Variants in DNAH2 observed in about 807,000 individuals in gnomAD.
The protein encoded by DNAH2 is axonemal beta dynein heavy chain 2.
A neutral mutation model predicts 523.5 loss-of-function variants in DNAH2; 323 were observed. The observed-to-expected ratio is 0.62, with a 90% CI of 0.56 to 0.68. The LOEUF (loss-of-function observed/expected upper bound fraction) is 0.68. Ranked by LOEUF, DNAH2 falls within the 30% of genes least tolerant of loss-of-function variation. The pLI, the probability that DNAH2 is intolerant of heterozygous loss-of-function variation, is 0.00. For synonymous variants in DNAH2, 2,093 were observed against 2,177.4 expected (o/e 0.96, Z 1.08); for missense variants, 4,907 against 5,701.5 (o/e 0.86, Z 4.49).
chr17:7,759,862 CA>C lies in DNAH2; in HGVS notation c.2710del (p.Ile904SerfsTer42). On this transcript the variant is annotated frameshift_variant, in exon 17 of 86. Coordinates refer to ENST00000572933, the MANE Select transcript of DNAH2 (RefSeq NM_020877.5). LOFTEE classifies it high-confidence loss of function. ...ACATTGGCAACCACCTCTTTTCCAC[CA>C]TCTCTGTCTTCTGCCACCTCCCTGA... ...NDIGNHLFST[I>X]SVFCHLPDIL... is the part of the protein sequence containing the mutation. 1.9e-6 allele frequency: 3 copies of C among 1,614,204 alleles called. No homozygotes were observed. The highest frequency in any genetic ancestry group is 2.5e-6 in the Non-Finnish European group (3 of 1,180,030).
At chr17:7,751,198 C>G (rs1183533991) in intron 12 of DNAH2, among the ~76,000 whole-genome samples, 1 of 151,556 alleles carries the variant, frequency 6.6e-6, no homozygotes, top group Non-Finnish European at 1.5e-5. Context: ...GTCTGGAGTA[C>G]AGTGGCACCA....
chr17:7,780,654 C>G lies in DNAH2; in HGVS notation c.5875C>G (p.Leu1959Val). Reference protein sequence around the residue: ...CKILAKKVYTLYSLAVQQLSR... With the variant: ...CKILAKKVYTVYSLAVQQLSR... The stretch of plus-strand genomic sequence containing the variant: ...GATTCTGGCCAAGAAGGTGTACACA[C>G]TCTACTCACTGGCTGTGCAGCAGCT... Residue 1959 changes from leucine to valine, a missense_variant, in exon 38 of 86, where the codon CTC becomes GTC. Coordinates refer to ENST00000572933, the MANE Select transcript of DNAH2 (RefSeq NM_020877.5). The surrounding 1 kb of genome is among the most constrained non-coding windows in gnomAD (Gnocchi z 4.4). The G allele has an allele frequency of 1.2e-6, 2 of 1,614,184 alleles. No homozygotes were observed. The highest frequency in any genetic ancestry group is 1.7e-6 in the Non-Finnish European group (2 of 1,180,030).
At position 7,816,617 on chromosome 17, in the gene DNAH2, T is replaced by A; in HGVS notation, c.9776T>A (p.Leu3259Gln). Residue 3259 changes from leucine (L) to glutamine (Q), a missense_variant, in exon 64 of 86, where the codon CTG becomes CAG. Leu to Gln is a moderately radical substitution (Grantham distance 113, BLOSUM62 -2). Coordinates refer to ENST00000572933, the MANE Select transcript of DNAH2 (RefSeq NM_020877.5). Reference protein sequence around the residue: ...EMLKKQYDEKLAQKEELRKKS... With the variant: ...EMLKKQYDEKQAQKEELRKKS... Reference sequence around the variant, plus strand: ...CTAAAGAAACAGTATGATGAGAAGCTGGCACAGAAGGAGGAGCTTCGCAAG... The same window carrying A: ...CTAAAGAAACAGTATGATGAGAAGCAGGCACAGAAGGAGGAGCTTCGCAAG... The A allele has an allele frequency of 1.2e-6, 2 of 1,614,188 alleles. No individual in the cohort carries two copies. The highest frequency in any genetic ancestry group is 1.7e-6 in the Non-Finnish European group (2 of 1,180,036).
chr17:7,793,447 TTTTCTTTCTTTCTTTCTTTCTTTC>T (rs557051250), intron 48 of DNAH2, among the ~76,000 whole-genome samples: 3 of 96,502 alleles, frequency 3.1e-5, no homozygotes, highest in South Asian at 3.3e-4. Flanking sequence ...CTTTCTTTCT[TTTTCTTTCTTTCTTTCTTTCTTTC>T]TTTCTTTCTT....
chr17:7,802,563 T>C (rs1355238865), intron 58 of DNAH2, among the ~76,000 whole-genome samples: 2 of 152,226 alleles, frequency 1.3e-5, no homozygotes, highest in Non-Finnish European at 2.9e-5. Flanking sequence ...TAATACCTAA[T>C]ACAATGTAAA....
At chr17:7,824,496 C>G (rs539053046) in intron 76 of DNAH2, 41 bp from the exon 77 acceptor site, 5 of 1,489,030 alleles carry the variant, frequency 3.4e-6, no homozygotes, top group African/African-American at 2.8e-5. Flanking sequence ...ACAGGCAGGG[C>G]TTAGGAAATG....
chr17:7,719,628 T>G, intron 1 of DNAH2, 93 bp from the exon 2 acceptor site: 1 of 1,483,338 alleles, frequency 6.7e-7, no homozygotes, highest in South Asian at 1.2e-5. Flanking sequence ...TGAGTTTCAG[T>G]CAATTTATGA....
At position 7,786,310 on chromosome 17, in the gene DNAH2, C is replaced by A. The variant is rs200178920; in HGVS notation, c.6316C>A (p.Arg2106Ser). The change falls in exon 40 of 86, where the codon CGC (arginine) becomes AGC (serine). Residue 2106 changes from arginine to serine, a missense_variant. Physicochemically the swap from Arg to Ser is moderately radical, Grantham distance 110. Coordinates refer to ENST00000572933, the MANE Select transcript of DNAH2 (RefSeq NM_020877.5). This position sits in a 1 kb window ranked among gnomAD's most constrained non-coding sequence, Gnocchi z 7.5. ...ACAGGCCTCCCTGTCCTCTCTGTGC[C>A]GCGCCGGAGACCCTAACTTCAACAT... ...ILQASLSSLC[R>S]AGDPNFNIVR... 2 of 1,613,530 alleles carry A rather than the reference C, an allele frequency of 1.2e-6. No homozygotes were observed. Among genetic ancestry groups the A allele is most frequent in the African/African-American group, 2.7e-5 (2 of 74,998 alleles).
intron 13 of DNAH2, among the ~76,000 whole-genome samples, chr17:7,757,946 A>G (rs190974581): frequency 2.0e-5 from 3 of 152,324 alleles, no homozygotes; most frequent in East Asian, 3.9e-4. Context: ...ATCACCTCCC[A>G]GAGGTCCTAA....
At chr17:7,762,337 T>C (rs1266179740) in intron 18 of DNAH2, among the ~76,000 whole-genome samples, 12 of 147,280 alleles carry the variant, frequency 8.1e-5, no homozygotes, top group Admixed American at 1.3e-4. Flanking sequence ...ATTTCTTTTT[T>C]TTTTTTTTTT....
At chr17:7,756,959 C>T in intron 12 of DNAH2, 132 bp from the exon 13 acceptor site, 1 of 1,352,058 alleles carries the variant, frequency 7.4e-7, no homozygotes, top group Non-Finnish European at 1.0e-6. Flanking sequence ...GCGTGAGCCA[C>T]CATACCAGGC....
chr17:7,804,483 C>A lies in DNAH2; in HGVS notation c.9183+17C>A. On this transcript the variant is annotated intron_variant, in intron 59 of 85. Coordinates refer to ENST00000572933, the MANE Select transcript of DNAH2 (RefSeq NM_020877.5). ...CAGCAGAAGGTCCAGGGCCCACGCC[C>A]ACCCCCCGTGCCCCACTCCCACCAG... 6.2e-7 allele frequency: 1 copy of A among 1,610,684 alleles called. No individual in the cohort carries two copies. Among genetic ancestry groups the A allele is most frequent in the Non-Finnish European group, 8.5e-7 (1 of 1,179,178 alleles).
intron 53 of DNAH2, 116 bp downstream of exon 53, chr17:7,797,945 C>G: frequency 8.2e-6 from 12 of 1,459,744 alleles, no homozygotes; most frequent in Non-Finnish European, 1.0e-5. Flanking sequence ...TGCCTTTCTC[C>G]CTGGCCCCAG....
At position 7,792,053 on chromosome 17, in the gene DNAH2, G is replaced by T; in HGVS notation, c.7037G>T (p.Gly2346Val). The change falls in exon 45 of 86, where the codon GGC becomes GTC. Residue 2346 changes from glycine (G) to valine (V), a missense_variant. Coordinates refer to ENST00000572933, the MANE Select transcript of DNAH2 (RefSeq NM_020877.5). ...RIDSYLREIE[G>V]SFPNKDTVYE... is the part of the protein sequence containing the mutation. ...GACAGCTACCTCCGAGAGATCGAGG[G>T]CTCCTTTCCCAATAAGGTTGGGCGC... 6.2e-7 allele frequency: 1 copy of T among 1,613,550 alleles called. No individual in the cohort carries two copies. Among genetic ancestry groups the T allele is most frequent in the African/African-American group, 1.3e-5 (1 of 74,868 alleles).
Position 7,821,136 on chromosome 17 carries a change from T to G in DNAH2, c.11016-107T>G, listed in dbSNP as rs535948847. 5.4e-4 allele frequency: 785 copies of G among 1,453,598 alleles called. 2 individuals are homozygous for G. Among genetic ancestry groups the G allele is most frequent in the East Asian group, 1.6e-3 (64 of 41,204 alleles). 90.0% of individuals were successfully genotyped at this position (1,453,598 alleles called of 1,614,324 possible). On this transcript the variant is annotated intron_variant, in intron 72 of 85. Transcript: ENST00000572933. This position sits in a 1 kb window ranked among gnomAD's most constrained non-coding sequence, Gnocchi z 5.0. ...CCAGGAGGTTAGGATTAGAGGCTGG[T>G]GAGGTCCTCTGTGTGAAGCTGTGTG... is the stretch of plus-strand genomic sequence containing the variant.
chr17:7,738,222 G>A, intron 8 of DNAH2: 2 of 640,546 alleles, frequency 3.1e-6, no homozygotes, highest in Non-Finnish European at 5.7e-6. Context: ...TTAGCCTCTT[G>A]GTTGTATTTT....
chr17:7,791,391 T>TA lies in DNAH2; in HGVS notation c.6901-522dup, dbSNP rs200483114. ...TGACTGAAAATGTGGTATTTTTTTT[T>TA]AAAACTATATCATGCTATATACTGC... is the stretch of plus-strand genomic sequence containing the variant. On this transcript the variant is annotated intron_variant, in intron 44 of 85. Transcript: ENST00000572933. Among the ~76,000 whole-genome samples, 11 of 152,088 alleles carry TA rather than the reference T, an allele frequency of 7.2e-5. No individual in the cohort carries two copies. The South Asian group carries it at 1.2e-3, about 17-fold the overall frequency.
At chr17:7,750,347 G>A (rs186283) in intron 12 of DNAH2, among the ~76,000 whole-genome samples, 117,087 of 152,124 alleles carry the variant, frequency 0.77, 46,195 homozygotes, top group East Asian at 1. Context: ...CTTCTGTCCA[G>A]CTGGTGTTGT....
chr17:7,764,586 A>C (rs963611989), intron 20 of DNAH2, among the ~76,000 whole-genome samples: 7 of 150,396 alleles, frequency 4.7e-5, no homozygotes, highest in Non-Finnish European at 1.0e-4. Context: ...TCAGCCTCCC[A>C]AGTAGCTGGG....
Sources: gnomAD v4.1 joint callset for allele counts (sites outside exome capture counted in the v4.1 genomes callset) on GRCh38, gnomAD v4.1.1 for gene constraint, Gnocchi (gnomAD v3.1) non-coding constraint, MANE v1.5 for transcripts, NCBI Gene and HGNC (gene_info 2026-07-23, HGNC 2026-07-21) for gene names.